RBFOX1: variants seen among roughly 807,000 people sequenced by gnomAD.
The protein encoded by RBFOX1 is RNA binding protein fox-1 homolog 1.
Under a neutral mutation model 57.7 loss-of-function variants are expected in RBFOX1, and 8 were observed. The ratio of observed to expected loss-of-function variants is 0.14; its 90% confidence interval spans 0.08 to 0.25. The LOEUF is 0.25. RBFOX1 is among the 10% of genes least tolerant of loss of function. RBFOX1 has a pLI of 1.00. For synonymous variants in RBFOX1, 326 were observed against 222.4 expected, an observed-to-expected ratio of 1.47 and a Z score of -4.15; for missense variants, 611 against 548.5, an observed-to-expected ratio of 1.11 and a Z score of -1.14.
At chr16:5,363,031 CTTTTTTTTT>C (rs35426149) in intron 1 of RBFOX1, among the ~76,000 whole-genome samples, 2 of 95,420 alleles carry the variant, frequency 2.1e-5, no homozygotes, top group Non-Finnish European at 4.0e-5. Flanking sequence ...GATTTTAATT[CTTTTTTTTT>C]TTTTTTTTTT....
At chr16:6,737,142 A>G (rs1430050088) in intron 3 of RBFOX1, among the ~76,000 whole-genome samples, 2 of 152,342 alleles carry the variant, frequency 1.3e-5, no homozygotes, top group Admixed American at 1.3e-4. Context: ...AGAGGAAACA[A>G]CAGAGGCAAA....
At chr16:6,472,491 G>A (rs1305756986) in intron 2 of RBFOX1, among the ~76,000 whole-genome samples, 2 of 152,166 alleles carry the variant, frequency 1.3e-5, no homozygotes, top group Non-Finnish European at 2.9e-5. Flanking sequence ...GCATCCTGTT[G>A]TTTCCTTTGG....
intron 2 of RBFOX1, among the ~76,000 whole-genome samples, chr16:6,544,458 G>T (rs1175016466): frequency 6.6e-6 from 1 of 152,134 alleles, no homozygotes; most frequent in African/African-American, 2.4e-5. Flanking sequence ...GTTCTGGGAG[G>T]CACTGTAATT....
intron 1 of RBFOX1, among the ~76,000 whole-genome samples, chr16:5,317,558 G>A (rs993835670): frequency 6.6e-6 from 1 of 152,164 alleles, no homozygotes; most frequent in Admixed American, 6.5e-5. Flanking sequence ...GCAGTGAGCT[G>A]AGATCACGCC....
chr16:5,675,490 C>G (rs2050139351), intron 3 of RBFOX1, among the ~76,000 whole-genome samples: 1 of 152,160 alleles, frequency 6.6e-6, no homozygotes, highest in Non-Finnish European at 1.5e-5. Context: ...GACAATTGCT[C>G]CCCAAACACA....
intron 1 of RBFOX1, among the ~76,000 whole-genome samples, chr16:6,052,183 C>A (rs72772823): frequency 3.3e-5 from 5 of 152,222 alleles, no homozygotes; most frequent in Admixed American, 2.0e-4. Flanking sequence ...GGTGTCCCTC[C>A]GTTTCCAGTC....
chr16:7,130,022 A>G (rs866778177), intron 4 of RBFOX1, among the ~76,000 whole-genome samples: 2 of 148,130 alleles, frequency 1.4e-5, no homozygotes, highest in Middle Eastern at 3.5e-3. Flanking sequence ...AATCTTCTTC[A>G]TTTTTGAAGA....
intron 3 of RBFOX1, among the ~76,000 whole-genome samples, chr16:6,887,006 C>G (rs190129507): frequency 2.6e-5 from 4 of 152,056 alleles, no homozygotes; most frequent in African/African-American, 7.2e-5. Flanking sequence ...ATTTTTTCCA[C>G]TTTCTGGTTT....
chr16:7,131,159 A>G (rs903291104), intron 4 of RBFOX1, among the ~76,000 whole-genome samples: 1 of 152,024 alleles, frequency 6.6e-6, no homozygotes, highest in Non-Finnish European at 1.5e-5. Context: ...AGCCTGGTCA[A>G]CATGGTGAAA....
chr16:5,502,687 AC>A (rs1202315098), intron 2 of RBFOX1, among the ~76,000 whole-genome samples: 1 of 152,182 alleles, frequency 6.6e-6, no homozygotes, highest in Non-Finnish European at 1.5e-5. Flanking sequence ...ACAGGCAGCA[AC>A]CATATTAACA....
intron 4 of RBFOX1, among the ~76,000 whole-genome samples, chr16:5,873,233 TG>T (rs1484921310): frequency 6.6e-6 from 1 of 152,224 alleles, no homozygotes; most frequent in Non-Finnish European, 1.5e-5. Context: ...CGAGACCTGT[TG>T]TTTTGAAAGC....
chr16:5,896,735 G>C (rs538996186), intron 4 of RBFOX1, among the ~76,000 whole-genome samples: 1 of 152,188 alleles, frequency 6.6e-6, no homozygotes, highest in East Asian at 1.9e-4. Context: ...CTTCAGGGGA[G>C]AGGGTTTCCA....
intron 2 of RBFOX1, among the ~76,000 whole-genome samples, chr16:6,320,509 T>G (rs2081639305): frequency 6.7e-6 from 1 of 149,094 alleles, no homozygotes; most frequent in East Asian, 1.9e-4. Context: ...AAAATTTAAT[T>G]TTTTTTTAAA....
At chr16:6,735,542 T>G (rs2069974501) in intron 3 of RBFOX1, among the ~76,000 whole-genome samples, 1 of 152,372 alleles carries the variant, frequency 6.6e-6, no homozygotes, top group South Asian at 2.1e-4. Flanking sequence ...TTGTGTCTTT[T>G]AACTATTTCT....
intron 3 of RBFOX1, among the ~76,000 whole-genome samples, chr16:6,702,100 A>C (rs1266114128): frequency 1.3e-5 from 2 of 152,168 alleles, no homozygotes; most frequent in Non-Finnish European, 2.9e-5. Context: ...CTAAAATAAA[A>C]GTTTAAAAAA....
At chr16:7,165,194 A>C (rs73550377) in intron 4 of RBFOX1, among the ~76,000 whole-genome samples, 1 of 152,116 alleles carries the variant, frequency 6.6e-6, no homozygotes, top group African/African-American at 2.4e-5. Flanking sequence ...AGGGATTAGC[A>C]AGACAGTCTC....
chr16:6,076,332 G>GCA (rs2095900057), intron 1 of RBFOX1, among the ~76,000 whole-genome samples: 3 of 148,300 alleles, frequency 2.0e-5, no homozygotes, highest in Non-Finnish European at 4.5e-5. Context: ...ACAAACACAC[G>GCA]CGCACACACA....
intron 4 of RBFOX1, among the ~76,000 whole-genome samples, chr16:5,882,607 G>C (rs1436113): frequency 0.053 from 8,109 of 152,202 alleles, 737 homozygotes; most frequent in African/African-American, 0.18. Context: ...CAGCAAGAGT[G>C]AAACTAGGGG....
chr16:7,001,178 A>G (rs2092755903), intron 3 of RBFOX1, among the ~76,000 whole-genome samples: 1 of 152,074 alleles, frequency 6.6e-6, no homozygotes. Flanking sequence ...GCATATTCCA[A>G]AGGAGACTAA....
Sources: gnomAD v4.1 joint callset for allele counts (sites outside exome capture counted in the v4.1 genomes callset) on GRCh38, gnomAD v4.1.1 for gene constraint, MANE v1.5 for transcripts, NCBI Gene and HGNC (gene_info 2026-07-23, HGNC 2026-07-21) for gene names.